The following FAM167A variants were observed in gnomAD, a reference collection of about 807,000 sequenced individuals.
FAM167A encodes protein FAM167A.
A neutral mutation model predicts 14.9 loss-of-function variants in FAM167A; 23 were observed. That is an observed-to-expected ratio of 1.55 (90% CI 1.11 to 2.19). The LOEUF is 2.19. FAM167A is among the 30% of genes most tolerant of loss of function. The probability of loss-of-function intolerance (pLI) is 0.00; values close to 1 mark genes in which losing one functional copy is unlikely to be tolerated. For synonymous variants in FAM167A, 174 were observed against 117.7 expected (o/e 1.48, Z -3.10); for missense variants, 401 against 281.5 (o/e 1.42, Z -3.04).
At chr8:11,470,794 C>G (rs1807934443), upstream of FAM167A, among the ~76,000 whole-genome samples, 1 of 152,102 alleles carries the variant, frequency 6.6e-6, no homozygotes, top group South Asian at 2.1e-4. Flanking sequence ...CCACCGGTCT[C>G]TGCTGTTTTC....
Position 11,424,440 on chromosome 8 carries a change from G to C in FAM167A, c.578C>G (p.Ser193Cys), listed in dbSNP as rs1038192816. The change falls in exon 3 of 3, where the codon TCC becomes TGC. Residue 193 changes from serine to cysteine, a missense_variant. Physicochemically the swap from Ser to Cys is moderately radical, Grantham distance 112 (BLOSUM62 -1). Transcript: ENST00000284486. ...DSPLASSFSL[S>C]TPLKLIGVTK... is the part of the protein sequence containing the mutation. ...CACGCCAATAAGCTTGAGTGGTGTG[G>C]AGAGGCTGAAGGAGGAGGCAAGAGG... 1 of 1,614,104 alleles carries C rather than the reference G, an allele frequency of 6.2e-7. No homozygotes were observed. Among genetic ancestry groups the C allele is most frequent in the African/African-American group, 1.3e-5 (1 of 75,012 alleles).
intron 1 of FAM167A, among the ~76,000 whole-genome samples, chr8:11,445,821 T>TAA (rs5889365): frequency 3.1e-4 from 47 of 149,448 alleles, no homozygotes; most frequent in African/African-American, 6.4e-4. Flanking sequence ...GGGTGTGTTT[T>TAA]AAAAAAAAAA....
At chr8:11,457,117 G>C (rs1353691764) in intron 1 of FAM167A, among the ~76,000 whole-genome samples, 6 of 146,190 alleles carry the variant, frequency 4.1e-5, no homozygotes, top group Non-Finnish European at 7.6e-5. Context: ...GGCTGGGTTG[G>C]GGAAGTGGGC....
chr8:11,457,071 G>A (rs535737937), intron 1 of FAM167A, among the ~76,000 whole-genome samples: 1 of 96,180 alleles, frequency 1.0e-5, no homozygotes, highest in Non-Finnish European at 2.3e-5. Flanking sequence ...GGCTGGGTTG[G>A]GGAAGTGGGC....
chr8:11,454,919 G>A (rs1268801095), intron 1 of FAM167A, among the ~76,000 whole-genome samples: 1 of 152,026 alleles, frequency 6.6e-6, no homozygotes, highest in African/African-American at 2.4e-5. Context: ...CTGCCCTAGT[G>A]GTCCCCTCCT....
At chr8:11,462,516 G>A (rs1807581472) in intron 1 of FAM167A, among the ~76,000 whole-genome samples, 1 of 152,206 alleles carries the variant, frequency 6.6e-6, no homozygotes, top group Admixed American at 6.5e-5. Flanking sequence ...AATGGCTCCT[G>A]CACTGCGAAA....
chr8:11,474,579 A>G (rs557638234), intron 1 of FAM167A: 2 of 152,368 alleles, frequency 1.3e-5, no homozygotes, highest in Admixed American at 6.5e-5. Context: ...GAAGAGAAAA[A>G]TCAATACAGG....
chr8:11,470,303 G>A (rs918962435), upstream of FAM167A, among the ~76,000 whole-genome samples: 9 of 152,168 alleles, frequency 5.9e-5, no homozygotes, highest in Non-Finnish European at 8.8e-5. Flanking sequence ...AGGGGGTCTT[G>A]TGGTGTCTTG....
At chr8:11,445,078 G>T (rs992621763) in intron 1 of FAM167A, 1 of 959,768 alleles carries the variant, frequency 1.0e-6, no homozygotes, top group Non-Finnish European at 1.2e-6. Flanking sequence ...CAGCAAGTCT[G>T]CAGGGATTTG....
At chr8:11,446,447 G>A (rs961792801) in intron 1 of FAM167A, 1 of 151,404 alleles carries the variant, frequency 6.6e-6, no homozygotes, top group East Asian at 1.9e-4. Flanking sequence ...TGAGGAACTG[G>A]ATTCTGATTC....
intron 1 of FAM167A, among the ~76,000 whole-genome samples, chr8:11,461,588 C>T (rs978949563): frequency 2.0e-5 from 3 of 152,250 alleles, no homozygotes; most frequent in African/African-American, 4.8e-5. Flanking sequence ...AACTCAGACA[C>T]CAGGGCACAG....
rs372350472 is a variant in FAM167A at position 11,424,473 on chromosome 8, C to T, written c.545G>A (p.Cys182Tyr). 2 of 1,614,030 alleles carry T rather than the reference C, an allele frequency of 1.2e-6. No homozygotes were observed. Among genetic ancestry groups the T allele is most frequent in the Non-Finnish European group, 1.7e-6 (2 of 1,180,028 alleles). ...GAAGGAGGAGGCAAGAGGGGAGTCA[C>T]AGAAGAGGTCGGCCAGCTCATCCCG... ...EERDELADLF[C>Y]DSPLASSFSL... Residue 182 changes from cysteine to tyrosine, a missense_variant, in exon 3 of 3, where the codon TGT becomes TAT. Transcript: ENST00000284486.
intron 2 of FAM167A, among the ~76,000 whole-genome samples, chr8:11,442,110 C>G (rs951931925): frequency 3.3e-5 from 5 of 152,198 alleles, no homozygotes; most frequent in African/African-American, 1.2e-4. Flanking sequence ...TTCTGCTCTG[C>G]TGTTGGCCTA....
At chr8:11,462,260 G>A (rs1179435168) in intron 1 of FAM167A, among the ~76,000 whole-genome samples, 1 of 152,220 alleles carries the variant, frequency 6.6e-6, no homozygotes, top group African/African-American at 2.4e-5. Flanking sequence ...GGTGTCGGGG[G>A]ACGTGGGTTG....
chr8:11,454,803 A>G (rs1191290501), intron 1 of FAM167A, among the ~76,000 whole-genome samples: 2 of 152,190 alleles, frequency 1.3e-5, no homozygotes, highest in African/African-American at 4.8e-5. Flanking sequence ...CCAGAGGACC[A>G]GACAGGACTG....
chr8:11,424,122 C>T lies in FAM167A; in HGVS notation c.*251G>A. On this transcript the variant is annotated 3_prime_UTR_variant, in exon 3 of 3. Coordinates refer to ENST00000284486, the MANE Select transcript of FAM167A (RefSeq NM_053279.3). ...TGGGAACCCAGGTCTCCTTTAACATCTTGGTTGGAGCGGCCCTTCTGCAGA... is the reference window on the plus strand; with the variant it reads ...TGGGAACCCAGGTCTCCTTTAACATTTTGGTTGGAGCGGCCCTTCTGCAGA... 2.0e-6 allele frequency: 1 copy of T among 497,908 alleles called. No individual in the cohort carries two copies. The allele number at this position is 497,908 out of a possible 1,614,324, so 30.8% of individuals were successfully genotyped here. A position where few individuals can be genotyped will look rare whatever the true frequency, so the allele number is the denominator to read the frequency against.
chr8:11,428,578 C>G (rs1014462304), intron 2 of FAM167A, among the ~76,000 whole-genome samples: 3 of 152,324 alleles, frequency 2.0e-5, no homozygotes, highest in Non-Finnish European at 4.4e-5. Context: ...CCTCAGTGGG[C>G]TTTGGTTCTG....
chr8:11,452,933 G>A (rs11784897), intron 1 of FAM167A, among the ~76,000 whole-genome samples: 48,891 of 152,080 alleles, frequency 0.32, 8,645 homozygotes, highest in Middle Eastern at 0.47. Context: ...AGGCCACAGA[G>A]GCTGGCTGGT....
rs1028056471 is a variant in FAM167A, at chr8:11,444,905, G to A, written c.-397-97C>T. On this transcript the variant is annotated intron_variant, in intron 1 of 2. Coordinates refer to ENST00000284486, the MANE Select transcript of FAM167A (RefSeq NM_053279.3). The stretch of plus-strand genomic sequence containing the variant: ...ACAGGAGGGGAAACTGAGGCTCAGA[G>A]TGGACTGGTGGCTGCGCTTCTCATG... 5.4e-6 allele frequency: 5 copies of A among 924,546 alleles called. No individual in the cohort carries two copies. In the East Asian group the frequency reaches 3.5e-4, roughly 65 times the overall value. The allele number at this position is 924,546 out of a possible 1,614,324, so 57.3% of individuals were successfully genotyped here.
Sources: allele counts gnomAD v4.1 joint callset (sites outside exome capture counted in the v4.1 genomes callset), GRCh38; gene constraint gnomAD v4.1.1; transcripts MANE v1.5; gene names NCBI Gene and HGNC (gene_info 2026-07-23, HGNC 2026-07-21).